Variants in CNTLN observed in about 807,000 individuals in gnomAD.
CNTLN encodes centlein, centrosomal protein.
A neutral mutation model predicts 180.0 loss-of-function variants in CNTLN; 212 were observed. The ratio of observed to expected loss-of-function variants is 1.18; its 90% confidence interval spans 1.05 to 1.32. The LOEUF (loss-of-function observed/expected upper bound fraction) is 1.32. Ranked by LOEUF, CNTLN falls within the 40% of genes most tolerant of loss-of-function variation. The pLI, the probability that CNTLN is intolerant of heterozygous loss-of-function variation, is 0.00. For synonymous variants in CNTLN, 722 were observed against 563.1 expected (o/e 1.28, Z -3.99); for missense variants, 2,095 against 1,610.9 (o/e 1.30, Z -5.14).
chr9:17,512,335 T>C, the CNTLN span, among the ~76,000 whole-genome samples: 46,418 of 152,142 alleles, frequency 0.31, 8,451 homozygotes, highest in East Asian at 0.5. Flanking sequence ...AAGAATACTT[T>C]TCATAAAAAA....
chr9:17,236,668 A>G (rs967617651), intron 5 of CNTLN, 80 bp downstream of exon 5: 1 of 1,131,792 alleles, frequency 8.8e-7, no homozygotes, highest in Non-Finnish European at 1.3e-6. Context: ...TATTTTCTTT[A>G]ACAACTTATA....
At chr9:17,440,450 G>A (rs191788145) in intron 18 of CNTLN, among the ~76,000 whole-genome samples, 2,557 of 150,414 alleles carry the variant, frequency 0.017, 36 homozygotes, top group African/African-American at 0.034. Context: ...TGAGCCGGGC[G>A]TAGTGGCAGG....
intron 2 of CNTLN, among the ~76,000 whole-genome samples, chr9:17,175,970 T>C (rs979998921): frequency 6.6e-6 from 1 of 152,194 alleles, no homozygotes; most frequent in Non-Finnish European, 1.5e-5. Context: ...TCTAAGATTT[T>C]ATTTTTTTAA....
At chr9:17,298,390 T>TTACA in intron 7 of CNTLN, 38 bp downstream of exon 7, 1 of 1,518,736 alleles carries the variant, frequency 6.6e-7, no homozygotes, top group Non-Finnish European at 8.8e-7. Context: ...TAAATGTTTA[T>TTACA]GTATGAACTT....
At chr9:17,493,044 G>A (rs919140928) in intron 25 of CNTLN, among the ~76,000 whole-genome samples, 1 of 152,112 alleles carries the variant, frequency 6.6e-6, no homozygotes, top group South Asian at 2.1e-4. Context: ...GAGACAGAAA[G>A]TAGAATGGTG....
At position 17,142,225 on chromosome 9, in the gene CNTLN, T is replaced by G. The variant is rs185308550; in HGVS notation, c.361-1063T>G. On this transcript the variant is annotated intron_variant, in intron 1 of 25. Transcript: ENST00000380647. ...GCGGCCTAACACAAATTCTTAAACT[T>G]TCTTAAAACATTATGAGATTTATTT... Among the ~76,000 whole-genome samples the G allele has an allele frequency of 4.6e-5, 7 of 152,302 alleles. No homozygotes were observed. The East Asian group carries it at 1.2e-3, about 25-fold the overall frequency.
At chr9:17,278,190 G>C (rs1174130499) in intron 6 of CNTLN, among the ~76,000 whole-genome samples, 1 of 152,108 alleles carries the variant, frequency 6.6e-6, no homozygotes, top group Non-Finnish European at 1.5e-5. Flanking sequence ...CACAGCCAGA[G>C]AACAAGGAGC....
At chr9:17,411,296 G>C (rs1235200310) in intron 16 of CNTLN, among the ~76,000 whole-genome samples, 5 of 152,156 alleles carry the variant, frequency 3.3e-5, no homozygotes, top group Admixed American at 2.6e-4. Flanking sequence ...GAAAAGGCCA[G>C]CCTAGCAAGA....
the CNTLN span, among the ~76,000 whole-genome samples, chr9:17,516,611 G>A: frequency 6.6e-6 from 1 of 152,086 alleles, no homozygotes. Context: ...GCCCCCCCTG[G>A]ATAATATGCC....
intron 1 of CNTLN, among the ~76,000 whole-genome samples, chr9:17,136,087 T>C (rs1242920797): frequency 7.9e-5 from 12 of 152,236 alleles, no homozygotes; most frequent in Admixed American, 7.9e-4. Flanking sequence ...TTAAAATTAC[T>C]TTCCTGTTTG....
In CNTLN at chr9:17,236,543, A is replaced by C; in HGVS notation, c.804A>C (p.Glu268Asp). The C allele has an allele frequency of 6.2e-7, 1 of 1,613,498 alleles. No homozygotes were observed. The highest frequency in any genetic ancestry group is 8.5e-7 in the Non-Finnish European group (1 of 1,179,686). ...ACCTGGAGAAATTGAGGAAGCAGGA[A>C]GCACATTTGAGAAAAGAAAAATATA... ...LNDLEKLRKQ[E>D]AHLRKEKYST... is the part of the protein sequence containing the mutation. Residue 268 changes from glutamate to aspartate, a missense_variant, in exon 5 of 26, where the codon GAA becomes GAC. Physicochemically the swap from Glu to Asp is conservative, Grantham distance 45. Transcript: ENST00000380647.
rs557312206 is a variant in CNTLN at position 17,353,097 on chromosome 9, A to T, written c.1886+10653A>T. 5.2e-3 allele frequency among the ~76,000 whole-genome samples: 793 copies of T among 152,180 alleles called. 4 individuals are homozygous for T. The highest frequency in any genetic ancestry group is 8.2e-3 in the Admixed American group (126 of 15,288). ...AACCTATGAGTGGAATCACTGGGCC[A>T]CATGCTAATCTATGTTTGTTTTTTA... On this transcript the variant is annotated intron_variant, in intron 12 of 25. Coordinates refer to ENST00000380647, the MANE Select transcript of CNTLN (RefSeq NM_017738.4).
chr9:17,294,410 C>T (rs1817646084), intron 6 of CNTLN, among the ~76,000 whole-genome samples: 1 of 125,864 alleles, frequency 7.9e-6, no homozygotes, highest in Non-Finnish European at 1.6e-5. Context: ...CTGAGCTAGA[C>T]ACAAAAGTTC....
intron 6 of CNTLN, among the ~76,000 whole-genome samples, chr9:17,295,368 G>A (rs1165676888): frequency 6.6e-6 from 1 of 152,198 alleles, no homozygotes; most frequent in African/African-American, 2.4e-5. Context: ...CGACTGCGAG[G>A]GCTGCCAGCA....
At chr9:17,176,398 A>C (rs748265446) in intron 2 of CNTLN, among the ~76,000 whole-genome samples, 3 of 152,056 alleles carry the variant, frequency 2.0e-5, no homozygotes, top group Non-Finnish European at 4.4e-5. Context: ...GAATACATGG[A>C]TTTATTTTTG....
chr9:17,424,076 G>A (rs1286543912), intron 18 of CNTLN, among the ~76,000 whole-genome samples: 1 of 152,114 alleles, frequency 6.6e-6, no homozygotes, highest in East Asian at 1.9e-4. Flanking sequence ...AGTCACTGGA[G>A]TTCTGTTTGG....
At chr9:17,241,425 T>C (rs1825486555) in intron 5 of CNTLN, among the ~76,000 whole-genome samples, 1 of 152,206 alleles carries the variant, frequency 6.6e-6, no homozygotes, top group Non-Finnish European at 1.5e-5. Flanking sequence ...GTGTCTGTTT[T>C]TATGACAGTA....
intron 18 of CNTLN, among the ~76,000 whole-genome samples, chr9:17,441,573 GGA>G (rs1188789634): frequency 6.7e-6 from 1 of 148,682 alleles, no homozygotes. Context: ...AAGTGAAAAA[GGA>G]GTCAAAACGT....
chr9:17,322,382 T>A (rs1819978801), intron 8 of CNTLN, among the ~76,000 whole-genome samples: 1 of 152,170 alleles, frequency 6.6e-6, no homozygotes, highest in Non-Finnish European at 1.5e-5. Context: ...GAACTTGTTA[T>A]CATTCAACTC....
Sources: allele counts gnomAD v4.1 joint callset (sites outside exome capture counted in the v4.1 genomes callset), GRCh38; gene constraint gnomAD v4.1.1; transcripts MANE v1.5; gene names NCBI Gene and HGNC (gene_info 2026-07-23, HGNC 2026-07-21).